The following LMTK2 variants were observed in gnomAD, a reference collection of about 807,000 sequenced individuals.
The protein encoded by LMTK2 is lemur tail kinase 2.
A neutral mutation model predicts 127.5 loss-of-function variants in LMTK2; 37 were observed. That is an observed-to-expected ratio of 0.29 (90% CI 0.22 to 0.38). LMTK2 has a LOEUF of 0.38. LMTK2 is among the 10% of genes least tolerant of loss of function. LMTK2 has a pLI of 1.00. For missense variants in LMTK2, 1,694 were observed against 1,920.3 expected (o/e 0.88, Z 2.20); for synonymous variants, 819 against 810.1 (o/e 1.01, Z -0.19).
In LMTK2 at chr7:98,193,879, G is replaced by C. The variant is rs766505279; in HGVS notation, c.3414G>C (p.Glu1138Asp). ...LVLVQEQPLP[E>D]PVLPEQSPAA... ...TGGTACAGGAGCAGCCCCTACCCGA[G>C]CCAGTCCTCCCCGAGCAAAGTCCTG... Residue 1138 changes from glutamate (E) to aspartate (D), a missense_variant, in exon 11 of 14, where the codon GAG (glutamate) becomes GAC (aspartate). By Grantham distance (45) the Glu-to-Asp change is conservative. This residue lies in a region of LMTK2 where 554 missense variants were observed against 567.7 expected (regional missense o/e 0.98). Transcript: ENST00000297293. This position sits in a 1 kb window ranked among gnomAD's most constrained non-coding sequence, Gnocchi z 4.1. 4 of 1,613,968 alleles carry C rather than the reference G, an allele frequency of 2.5e-6. No homozygotes were observed. The Admixed American group carries it at 6.7e-5, about 27-fold the overall frequency.
At chr7:98,124,685 C>T (rs577270143) in intron 1 of LMTK2, among the ~76,000 whole-genome samples, 36 of 152,126 alleles carry the variant, frequency 2.4e-4, no homozygotes, top group African/African-American at 8.4e-4. Context: ...ACTCGGGAGG[C>T]TGAGGTGGGA....
intron 1 of LMTK2, among the ~76,000 whole-genome samples, chr7:98,123,474 G>A (rs1478296439): frequency 1.3e-5 from 2 of 151,824 alleles, no homozygotes; most frequent in African/African-American, 4.8e-5. Context: ...GTTGTGTCCT[G>A]GAACCCTTGT....
At position 98,208,759 on chromosome 7, in the gene LMTK2, C is replaced by T. The variant is rs191081554; in HGVS notation, c.*3267C>T. On this transcript the variant is annotated 3_prime_UTR_variant, in exon 14 of 14. Coordinates refer to ENST00000297293, the MANE Select transcript of LMTK2 (RefSeq NM_014916.4). ...TGTGTGTGGACGAGAAGCCATTCAC[C>T]GTAAGGGTGCAGAAAGCTCGACCAA... The T allele has an allele frequency of 5.9e-5, 9 of 152,318 alleles. No homozygotes were observed. In the East Asian group the frequency reaches 7.7e-4, roughly 13 times the overall value. 9.4% of individuals were successfully genotyped at this position (152,318 alleles called of 1,614,324 possible).
chr7:98,108,950 C>T (rs538240319), intron 1 of LMTK2, among the ~76,000 whole-genome samples: 1 of 151,560 alleles, frequency 6.6e-6, no homozygotes, highest in African/African-American at 2.4e-5. Context: ...GCAACCCCCC[C>T]CTTCCGAGTT....
chr7:98,151,577 G>A, intron 4 of LMTK2, 122 bp downstream of exon 4: 1 of 722,676 alleles, frequency 1.4e-6, no homozygotes, highest in South Asian at 2.1e-5. Context: ...TACTAATTGA[G>A]TTTCCCCATT....
chr7:98,184,759 C>T (rs1187181665), intron 7 of LMTK2, among the ~76,000 whole-genome samples: 2 of 151,986 alleles, frequency 1.3e-5, no homozygotes, highest in Admixed American at 1.3e-4. Context: ...AAAGAAAATA[C>T]AAGGAAACAA....
At position 98,203,623 on chromosome 7, in the gene LMTK2, C is replaced by T. The variant is rs141328136; in HGVS notation, c.4157C>T (p.Pro1386Leu). 21 of 1,612,746 alleles carry T rather than the reference C, an allele frequency of 1.3e-5. No individual in the cohort carries two copies. In the East Asian group the frequency reaches 1.6e-4, roughly 12 times the overall value. The change falls in exon 12 of 14, where the codon CCG (proline) becomes CTG (leucine). Residue 1386 changes from proline to leucine, a missense_variant. By Grantham distance (98) the Pro-to-Leu change is moderately conservative (BLOSUM62 -3). Transcript: ENST00000297293. ...LGPCGGEACG[P>L]DLSGPAPASG... is the part of the protein sequence containing the mutation. ...CCCTGTGGAGGAGAGGCGTGCGGCC[C>T]GGACCTGAGCGGCCCAGCCCCAGCC... is the stretch of plus-strand genomic sequence containing the variant.
chr7:98,135,047 C>T (rs1796579006), intron 1 of LMTK2, among the ~76,000 whole-genome samples: 1 of 152,184 alleles, frequency 6.6e-6, no homozygotes, highest in Non-Finnish European at 1.5e-5. Context: ...AATGGTGTTT[C>T]AGCATTGCTT....
At chr7:98,129,911 T>C (rs1249703578) in intron 1 of LMTK2, among the ~76,000 whole-genome samples, 1 of 152,010 alleles carries the variant, frequency 6.6e-6, no homozygotes. Context: ...TGCAGCCTAG[T>C]GGGGAAGGCA....
chr7:98,124,245 C>T (rs1584248011), intron 1 of LMTK2, among the ~76,000 whole-genome samples: 1 of 152,224 alleles, frequency 6.6e-6, no homozygotes, highest in East Asian at 1.9e-4. Context: ...CACCTGCTTT[C>T]GTCCCCTGCT....
At chr7:98,175,522 C>T (rs117853622) in intron 7 of LMTK2, among the ~76,000 whole-genome samples, 1,865 of 152,316 alleles carry the variant, frequency 0.012, 17 homozygotes, top group Admixed American at 0.02. Context: ...TGTGTGTGCA[C>T]GTGCGTGCAT....
At chr7:98,127,564 C>A (rs2116341560) in intron 1 of LMTK2, among the ~76,000 whole-genome samples, 1 of 152,348 alleles carries the variant, frequency 6.6e-6, no homozygotes, top group African/African-American at 2.4e-5. Flanking sequence ...CCTTGCTTTA[C>A]ACTTGCTTTT....
intron 1 of LMTK2, among the ~76,000 whole-genome samples, chr7:98,122,518 C>G (rs1274869883): frequency 6.6e-6 from 1 of 152,112 alleles, no homozygotes; most frequent in Non-Finnish European, 1.5e-5. Context: ...CCTCTTCTTT[C>G]TCTCAGCTCT....
chr7:98,124,343 G>A (rs1340210127), intron 1 of LMTK2, among the ~76,000 whole-genome samples: 2 of 152,120 alleles, frequency 1.3e-5, no homozygotes, highest in African/African-American at 4.8e-5. Flanking sequence ...TCAGTGCTCC[G>A]TTTCTTCATT....
intron 2 of LMTK2, among the ~76,000 whole-genome samples, chr7:98,140,122 CTTT>C (rs1562902549): frequency 3.5e-4 from 13 of 37,604 alleles, no homozygotes; most frequent in South Asian, 8.6e-4. Flanking sequence ...TTCTTTCTTT[CTTT>C]CTTTCTTTCT....
intron 2 of LMTK2, among the ~76,000 whole-genome samples, chr7:98,139,846 A>G (rs931909068): frequency 7.9e-5 from 12 of 152,312 alleles, no homozygotes; most frequent in African/African-American, 2.9e-4. Context: ...AAAAGTTCAT[A>G]GACTGTTCAG....
At chr7:98,157,251 CGGTA>C (rs60034734) in intron 5 of LMTK2, among the ~76,000 whole-genome samples, 63,880 of 141,688 alleles carry the variant, frequency 0.45, 15,510 homozygotes, top group East Asian at 0.61. Flanking sequence ...GACCCTGTCT[CGGTA>C]GGTAGGTAGG....
intron 7 of LMTK2, among the ~76,000 whole-genome samples, chr7:98,173,024 C>T (rs1376897145): frequency 2.0e-5 from 3 of 152,202 alleles, no homozygotes; most frequent in Non-Finnish European, 4.4e-5. Context: ...TCCCGAAGTG[C>T]CAGGATTACA....
chr7:98,174,355 G>A (rs1050669515), intron 7 of LMTK2, among the ~76,000 whole-genome samples: 1 of 152,196 alleles, frequency 6.6e-6, no homozygotes, highest in African/African-American at 2.4e-5. Flanking sequence ...CCACAGTGAA[G>A]TTGTATTTCT....
Sources: gnomAD v4.1 joint callset for allele counts (sites outside exome capture counted in the v4.1 genomes callset) on GRCh38, gnomAD v4.1.1 for gene constraint, gnomAD v4.1.1 regional missense constraint, Gnocchi (gnomAD v3.1) non-coding constraint, MANE v1.5 for transcripts, NCBI Gene and HGNC (gene_info 2026-07-23, HGNC 2026-07-21) for gene names.